Variants in CDH8 observed in about 807,000 individuals in gnomAD.
CDH8 encodes the protein cadherin-8.
Under a neutral mutation model 68.1 loss-of-function variants are expected in CDH8, and 17 were observed. The ratio of observed to expected loss-of-function variants is 0.25; its 90% CI spans 0.17 to 0.37. The LOEUF is 0.37. CDH8 is among the 10% of genes least tolerant of loss of function. CDH8 has a pLI of 1.00. For synonymous variants in CDH8, 372 were observed against 365.1 expected (o/e 1.02, Z -0.21); for missense variants, 763 against 999.3 (o/e 0.76, Z 3.19).
At position 61,652,898 on chromosome 16, in the gene CDH8, T is replaced by C; in HGVS notation, c.*710A>G. The C allele has an allele frequency of 1.3e-6, 2 of 1,526,128 alleles. No individual in the cohort carries two copies. The highest frequency in any genetic ancestry group is 4.9e-5 in the East Asian group (2 of 40,564). The allele number at this position is 1,526,128 out of a possible 1,614,324, so 94.5% of individuals were successfully genotyped here. On this transcript the variant is annotated 3_prime_UTR_variant, in exon 12 of 12. Transcript: ENST00000577390. Reference sequence around the variant, plus strand: ...AGAGGAGGGAACGAGGAATCCTGCTTCTAGAAAACAAGCATGTTTGAATGG... The same window carrying C: ...AGAGGAGGGAACGAGGAATCCTGCTCCTAGAAAACAAGCATGTTTGAATGG...
chr16:61,888,279 G>A (rs1243809774), intron 3 of CDH8, among the ~76,000 whole-genome samples: 1 of 152,186 alleles, frequency 6.6e-6, no homozygotes, highest in Non-Finnish European at 1.5e-5. Flanking sequence ...TTTGAAGTAT[G>A]AGAGACAGAT....
At chr16:61,934,402 A>G (rs1326633161) in intron 2 of CDH8, among the ~76,000 whole-genome samples, 1 of 152,186 alleles carries the variant, frequency 6.6e-6, no homozygotes, top group East Asian at 1.9e-4. Flanking sequence ...ATTGAGGAAC[A>G]GAAACAAATG....
intron 8 of CDH8, among the ~76,000 whole-genome samples, chr16:61,768,423 T>C (rs1036972844): frequency 2.1e-5 from 3 of 139,766 alleles, no homozygotes; most frequent in African/African-American, 8.3e-5. Context: ...TCTCTCTCTC[T>C]CTCTCCCTCT....
intron 4 of CDH8, among the ~76,000 whole-genome samples, chr16:61,849,860 T>C (rs762262429): frequency 9.2e-5 from 14 of 152,156 alleles, no homozygotes; most frequent in Non-Finnish European, 1.9e-4. Context: ...AAATATCACA[T>C]TTTGTTTCAT....
At chr16:61,680,544 G>T (rs62050467) in intron 10 of CDH8, among the ~76,000 whole-genome samples, 5 of 113,696 alleles carry the variant, frequency 4.4e-5, no homozygotes, top group South Asian at 4.7e-4. Flanking sequence ...TATTTACTCA[G>T]GGGGACTTGA....
chr16:61,789,328 A>G lies in CDH8; in HGVS notation c.1414+18T>C. 6.2e-7 allele frequency: 1 copy of G among 1,605,184 alleles called. No homozygotes were observed. The highest frequency in any genetic ancestry group is 8.5e-7 in the Non-Finnish European group (1 of 1,175,580). ...ACTCAGTCACACAAGGAAGAAATGAACAAATCCAGGCACTTACTAATTTCA... is the reference window on the plus strand; with the variant it reads ...ACTCAGTCACACAAGGAAGAAATGAGCAAATCCAGGCACTTACTAATTTCA... On this transcript the variant is annotated intron_variant, in intron 8 of 11. Coordinates refer to ENST00000577390, the MANE Select transcript of CDH8 (RefSeq NM_001796.5).
intron 8 of CDH8, among the ~76,000 whole-genome samples, chr16:61,756,702 G>T (rs1226888924): frequency 6.6e-6 from 1 of 152,050 alleles, no homozygotes; most frequent in East Asian, 1.9e-4. Flanking sequence ...ACTTCAGCAG[G>T]TTTCTCAAAG....
intron 2 of CDH8, among the ~76,000 whole-genome samples, chr16:61,905,597 CAG>C (rs1371012900): frequency 2.0e-5 from 3 of 151,996 alleles, no homozygotes; most frequent in African/African-American, 7.3e-5. Context: ...GGAACTTTCC[CAG>C]AGAGTTTATA....
At chr16:61,667,264 A>T (rs1963698439) in intron 10 of CDH8, 1 of 152,002 alleles carries the variant, frequency 6.6e-6, no homozygotes, top group Admixed American at 6.6e-5. Flanking sequence ...AATGTGGTAT[A>T]TCTAGCCATA....
intron 10 of CDH8, among the ~76,000 whole-genome samples, chr16:61,704,557 G>A (rs1235896915): frequency 6.6e-6 from 1 of 152,084 alleles, no homozygotes; most frequent in African/African-American, 2.4e-5. Context: ...AAATGAGAAA[G>A]TACATAAAGT....
intron 3 of CDH8, among the ~76,000 whole-genome samples, chr16:61,867,797 T>C (rs143339227): frequency 1.3e-5 from 2 of 152,294 alleles, no homozygotes; most frequent in East Asian, 3.9e-4. Context: ...AGTTGAATCA[T>C]TCCCTCTTCT....
chr16:61,944,204 A>G (rs1428886256), intron 2 of CDH8, among the ~76,000 whole-genome samples: 1 of 152,228 alleles, frequency 6.6e-6, no homozygotes, highest in East Asian at 1.9e-4. Flanking sequence ...GTAACGTCAC[A>G]GTTCTTGGCA....
intron 10 of CDH8, among the ~76,000 whole-genome samples, chr16:61,699,043 A>G (rs928462384): frequency 1.3e-5 from 2 of 152,046 alleles, no homozygotes; most frequent in Non-Finnish European, 2.9e-5. Flanking sequence ...AGCTAGTTTA[A>G]CCCCTTAAAC....
chr16:61,901,369 A>G lies in CDH8; in HGVS notation c.357T>C (p.His119=), dbSNP rs1963968343. Residue 119 remains histidine, a synonymous_variant, in exon 3 of 12, where the codon CAT becomes CAC. Coordinates refer to ENST00000577390, the MANE Select transcript of CDH8 (RefSeq NM_001796.5). ...FQINDVTGDI[H]AIKRLDREEK... ...CCTCCCGGTCAAGTCTTTTTATAGCATGGATATCTCCAGTTACATCATTTA... is the reference window on the plus strand; with the variant it reads ...CCTCCCGGTCAAGTCTTTTTATAGCGTGGATATCTCCAGTTACATCATTTA... 1 of 1,613,774 alleles carries G rather than the reference A, an allele frequency of 6.2e-7. No individual in the cohort carries two copies. Among genetic ancestry groups the G allele is most frequent in the Admixed American group, 1.7e-5 (1 of 59,994 alleles).
intron 3 of CDH8, among the ~76,000 whole-genome samples, chr16:61,881,857 A>G (rs540807578): frequency 1.3e-5 from 2 of 152,316 alleles, no homozygotes; most frequent in Non-Finnish European, 2.9e-5. Context: ...CGCTTCAAGG[A>G]AGCATCAAAT....
intron 10 of CDH8, among the ~76,000 whole-genome samples, chr16:61,660,030 G>A (rs1403520885): frequency 6.6e-6 from 1 of 152,102 alleles, no homozygotes; most frequent in Non-Finnish European, 1.5e-5. Flanking sequence ...CCAAACAATT[G>A]TAATTCTAAA....
chr16:61,922,828 A>G (rs1274916442), intron 2 of CDH8, among the ~76,000 whole-genome samples: 1 of 152,206 alleles, frequency 6.6e-6, no homozygotes, highest in Non-Finnish European at 1.5e-5. Context: ...TTTATAAATC[A>G]CATACAAATT....
At chr16:61,955,900 C>T (rs1954404901) in intron 2 of CDH8, among the ~76,000 whole-genome samples, 1 of 152,082 alleles carries the variant, frequency 6.6e-6, no homozygotes, top group African/African-American at 2.4e-5. Flanking sequence ...CCATTATCAC[C>T]GTTGCCATCT....
At chr16:61,813,950 C>A (rs1368592181) in intron 7 of CDH8, among the ~76,000 whole-genome samples, 1 of 152,072 alleles carries the variant, frequency 6.6e-6, no homozygotes, top group African/African-American at 2.4e-5. Flanking sequence ...CTATAGCTGT[C>A]AAAGAAAAAA....
Sources: allele counts gnomAD v4.1 joint callset (sites outside exome capture counted in the v4.1 genomes callset), GRCh38; gene constraint gnomAD v4.1.1; transcripts MANE v1.5; gene names NCBI Gene and HGNC (gene_info 2026-07-23, HGNC 2026-07-21).